Variants in MOB1B observed in about 807,000 individuals in gnomAD.
The protein encoded by MOB1B is MOB kinase activator 1B.
In MOB1B, 19 loss-of-function variants were observed where a neutral mutation model predicts 24.4. That is an observed-to-expected ratio of 0.78 (90% CI 0.54 to 1.14). The LOEUF is 1.14. MOB1B is among the 50% of genes most tolerant of loss of function. The pLI, the probability that MOB1B is intolerant of heterozygous loss-of-function variation, is 0.00. For missense variants in MOB1B, 243 were observed against 259.6 expected (o/e 0.94, Z 0.44); for synonymous variants, 76 against 82.1 (o/e 0.93, Z 0.40).
intron 1 of MOB1B, among the ~76,000 whole-genome samples, chr4:70,942,221 T>C (rs1578373346): frequency 6.6e-6 from 1 of 152,272 alleles, no homozygotes; most frequent in East Asian, 1.9e-4. Context: ...GAAAATAGTT[T>C]ATAACTTTTG....
In MOB1B at chr4:70,984,952, A is replaced by C. The variant is rs1464321192; in HGVS notation, c.*2895A>C. The C allele has an allele frequency of 6.6e-6, 1 of 152,138 alleles. No homozygotes were observed. The highest frequency in any genetic ancestry group is 2.4e-5 in the African/African-American group (1 of 41,432). 9.4% of individuals were successfully genotyped at this position (152,138 alleles called of 1,614,324 possible). The stretch of plus-strand genomic sequence containing the variant: ...AGTCTCTTTCTACCTTCCCTCTGTT[A>C]GTCATTTGTAAATTCTAAATGGTCA... On this transcript the variant is annotated 3_prime_UTR_variant, in exon 6 of 6. Coordinates refer to ENST00000309395, the MANE Select transcript of MOB1B (RefSeq NM_173468.4).
intron 1 of MOB1B, among the ~76,000 whole-genome samples, chr4:70,903,974 CTTTTT>C (rs754257097): frequency 1.9e-4 from 15 of 81,018 alleles, no homozygotes; most frequent in South Asian, 1.1e-3. Flanking sequence ...TATTTTAGTT[CTTTTT>C]TTTTTTTTTT....
intron 1 of MOB1B, among the ~76,000 whole-genome samples, chr4:70,906,766 C>G (rs1182057600): frequency 1.3e-5 from 2 of 152,100 alleles, no homozygotes; most frequent in Admixed American, 6.6e-5. Context: ...AAGCTAAACT[C>G]TCATGGTAGA....
intron 1 of MOB1B, among the ~76,000 whole-genome samples, chr4:70,934,904 T>TA (rs1297223755): frequency 2.0e-5 from 3 of 151,714 alleles, no homozygotes; most frequent in Non-Finnish European, 2.9e-5. Context: ...TTCTTATAAT[T>TA]AAAAAAATTA....
chr4:70,962,996 T>C (rs972802583), intron 2 of MOB1B, among the ~76,000 whole-genome samples: 1 of 152,010 alleles, frequency 6.6e-6, no homozygotes, highest in Non-Finnish European at 1.5e-5. Flanking sequence ...AGAGCGAGAC[T>C]CTGTCTCCAA....
intron 1 of MOB1B, among the ~76,000 whole-genome samples, chr4:70,953,905 C>G (rs1482547636): frequency 6.6e-6 from 1 of 152,024 alleles, no homozygotes; most frequent in Non-Finnish European, 1.5e-5. Flanking sequence ...GATTATGCCA[C>G]TGCACTCCAG....
intron 4 of MOB1B, among the ~76,000 whole-genome samples, chr4:70,977,955 T>G (rs1739065995): frequency 6.6e-6 from 1 of 152,198 alleles, no homozygotes; most frequent in African/African-American, 2.4e-5. Flanking sequence ...TCCCAAGCAT[T>G]GGGATAATAG....
At chr4:70,913,900 T>C (rs546660719) in intron 1 of MOB1B, among the ~76,000 whole-genome samples, 1 of 136,488 alleles carries the variant, frequency 7.3e-6, no homozygotes, top group South Asian at 2.6e-4. Flanking sequence ...GCAATTTTAC[T>C]GTAAGGAGGA....
intron 1 of MOB1B, among the ~76,000 whole-genome samples, chr4:70,958,258 G>A (rs186840770): frequency 4.0e-5 from 6 of 151,114 alleles, no homozygotes; most frequent in South Asian, 2.1e-4. Flanking sequence ...TCTGCCTCCC[G>A]AGTTCAAGCG....
intron 1 of MOB1B, among the ~76,000 whole-genome samples, chr4:70,940,326 T>C (rs1169744704): frequency 3.3e-5 from 5 of 152,152 alleles, no homozygotes; most frequent in Non-Finnish European, 7.4e-5. Context: ...CCAGCACTTT[T>C]CTGCCTCCCT....
intron 1 of MOB1B, among the ~76,000 whole-genome samples, chr4:70,904,584 C>T (rs559349219): frequency 6.6e-5 from 10 of 151,762 alleles, no homozygotes; most frequent in African/African-American, 2.4e-4. Context: ...TATGGTGAAA[C>T]CCCGTCTCTA....
At chr4:70,977,203 CT>C in intron 4 of MOB1B, among the ~76,000 whole-genome samples, 1 of 152,022 alleles carries the variant, frequency 6.6e-6, no homozygotes, top group Non-Finnish European at 1.5e-5. Context: ...CAAAGGAAAT[CT>C]TTTATATTTG....
chr4:70,938,087 C>G (rs551653095), intron 1 of MOB1B, among the ~76,000 whole-genome samples: 2 of 151,896 alleles, frequency 1.3e-5, no homozygotes, highest in African/African-American at 4.8e-5. Context: ...TTGGTGTCGT[C>G]TCTCATGTTA....
chr4:70,975,116 A>G (rs778271695), intron 3 of MOB1B, 37 bp from the exon 4 acceptor site: 2 of 1,543,698 alleles, frequency 1.3e-6, no homozygotes, highest in Admixed American at 2.0e-5. Context: ...ATAGGTATAT[A>G]CTAATCTTCT....
chr4:70,936,443 C>G (rs1215806542), intron 1 of MOB1B, among the ~76,000 whole-genome samples: 2 of 152,184 alleles, frequency 1.3e-5, no homozygotes, highest in Non-Finnish European at 2.9e-5. Flanking sequence ...CTCCTGGCCT[C>G]AAGCTGTCCT....
intron 4 of MOB1B, chr4:70,976,753 CATATAT>C (rs376072053): frequency 1.7e-5 from 3 of 180,914 alleles, no homozygotes; most frequent in Non-Finnish European, 2.7e-5. Flanking sequence ...GACTGAATTA[CATATAT>C]ATATATATAT....
intron 1 of MOB1B, among the ~76,000 whole-genome samples, chr4:70,930,151 G>T (rs1454600996): frequency 6.6e-6 from 1 of 152,062 alleles, no homozygotes; most frequent in East Asian, 1.9e-4. Context: ...ATATAGTATA[G>T]TCTATAAGGG....
Position 70,983,562 on chromosome 4 carries a change from A to G in MOB1B, c.*1505A>G, listed in dbSNP as rs929846913. On this transcript the variant is annotated 3_prime_UTR_variant, in exon 6 of 6. Coordinates refer to ENST00000309395, the MANE Select transcript of MOB1B (RefSeq NM_173468.4). ...ATTTTCGATAAATCTTTCTTCAGTT[A>G]GAAATATATATCCTTCCTTCAGTTG... The G allele has an allele frequency of 2.6e-5, 4 of 152,498 alleles. No homozygotes were observed. Among genetic ancestry groups the G allele is most frequent in the Non-Finnish European group, 5.9e-5 (4 of 68,008 alleles). 9.4% of individuals were successfully genotyped at this position (152,498 alleles called of 1,614,324 possible).
intron 1 of MOB1B, among the ~76,000 whole-genome samples, chr4:70,934,685 A>G (rs1737015126): frequency 6.6e-6 from 1 of 151,768 alleles, no homozygotes; most frequent in South Asian, 2.1e-4. Flanking sequence ...CGAACTCCTA[A>G]CCTCAAGTGA....
Sources: allele counts gnomAD v4.1 joint callset (sites outside exome capture counted in the v4.1 genomes callset), GRCh38; gene constraint gnomAD v4.1.1; transcripts MANE v1.5; gene names NCBI Gene and HGNC (gene_info 2026-07-23, HGNC 2026-07-21).